Variants in SHANK2 observed in about 807,000 individuals in gnomAD.
The protein encoded by SHANK2 is SH3 and multiple ankyrin repeat domains protein 2.
In SHANK2, 43 loss-of-function variants were observed where a neutral mutation model predicts 133.7. The ratio of observed to expected loss-of-function variants is 0.32; its 90% CI spans 0.25 to 0.41. SHANK2 has a LOEUF of 0.41. Among genes scored for constraint, SHANK2 ranks in the 10% least tolerant of loss-of-function variants. The probability of loss-of-function intolerance (pLI) is 1.00; values close to 1 mark genes in which losing one functional copy is unlikely to be tolerated. For missense variants in SHANK2, 1,994 were observed against 2,235.8 expected, an observed-to-expected ratio of 0.89 and a Z score of 2.18; for synonymous variants, 1,017 against 952.8, an observed-to-expected ratio of 1.07 and a Z score of -1.24.
At chr11:71,233,257 C>T (rs1954773725) in intron 1 of SHANK2, among the ~76,000 whole-genome samples, 2 of 152,160 alleles carry the variant, frequency 1.3e-5, no homozygotes, top group African/African-American at 2.4e-5. Flanking sequence ...ATCTTGTGGT[C>T]CAGCCTTAAA....
intron 14 of SHANK2, among the ~76,000 whole-genome samples, chr11:70,791,561 C>T (rs888698996): frequency 2.0e-5 from 3 of 152,236 alleles, no homozygotes; most frequent in Admixed American, 1.3e-4. Flanking sequence ...TACGCATCAT[C>T]TCCAGGCTTC....
At chr11:70,955,175 C>T (rs1396996899) in intron 10 of SHANK2, among the ~76,000 whole-genome samples, 1 of 152,166 alleles carries the variant, frequency 6.6e-6, no homozygotes, top group Non-Finnish European at 1.5e-5. Flanking sequence ...TCCTGATTTT[C>T]TCCACCCTTT....
intron 9 of SHANK2, among the ~76,000 whole-genome samples, chr11:71,072,739 A>G (rs1951159391): frequency 6.6e-6 from 1 of 152,212 alleles, no homozygotes; most frequent in Non-Finnish European, 1.5e-5. Flanking sequence ...AAATTCCGAC[A>G]CAGCCTACAG....
At chr11:70,898,360 G>A (rs140216058) in intron 10 of SHANK2, among the ~76,000 whole-genome samples, 41 of 151,574 alleles carry the variant, frequency 2.7e-4, no homozygotes, top group African/African-American at 9.9e-4. Flanking sequence ...TAAATATGGT[G>A]TTGGTGAAAA....
Position 71,210,239 on chromosome 11 carries a change from TA to T in SHANK2, c.-13+14457del, listed in dbSNP as rs1565516715. ...ATATATATATATATATATATATATA[TA>T]TATATATATATATTTATTTATTTTT... On this transcript the variant is annotated intron_variant, in intron 2 of 25. Coordinates refer to ENST00000601538, the MANE Select transcript of SHANK2 (RefSeq NM_012309.5). Among the ~76,000 whole-genome samples, 44 of 105,824 alleles carry T rather than the reference TA, an allele frequency of 4.2e-4. 1 individual carries two copies. Among genetic ancestry groups the T allele is most frequent in the African/African-American group, 1.6e-3 (32 of 20,322 alleles). The allele number at this position is 105,824 out of a possible 152,430, so 69.4% of individuals were successfully genotyped here. A position where few individuals can be genotyped will look rare whatever the true frequency, so the allele number is the denominator to read the frequency against.
intron 15 of SHANK2, among the ~76,000 whole-genome samples, chr11:70,675,362 T>A (rs577563777): frequency 6.6e-6 from 1 of 152,330 alleles, no homozygotes; most frequent in Admixed American, 6.5e-5. Flanking sequence ...AATGACCGTA[T>A]GAGGCAGGAG....
At chr11:70,783,300 C>T (rs577827806) in intron 14 of SHANK2, among the ~76,000 whole-genome samples, 59 of 152,262 alleles carry the variant, frequency 3.9e-4, no homozygotes, top group Non-Finnish European at 7.8e-4. Context: ...AGCCTGACCA[C>T]GGTCACCCCT....
intron 14 of SHANK2, among the ~76,000 whole-genome samples, chr11:70,780,159 C>G (rs1171981387): frequency 6.6e-6 from 1 of 152,190 alleles, no homozygotes; most frequent in Non-Finnish European, 1.5e-5. Context: ...TGCCTGATGC[C>G]AGACAATTTT....
At chr11:70,891,346 CA>C (rs1490717628) in intron 11 of SHANK2, among the ~76,000 whole-genome samples, 1 of 151,828 alleles carries the variant, frequency 6.6e-6, no homozygotes, top group African/African-American at 2.4e-5. Context: ...ACTAAAGATA[CA>C]AAAAAGTAGC....
chr11:71,183,819 G>A (rs1373962016), intron 2 of SHANK2, among the ~76,000 whole-genome samples: 3 of 152,180 alleles, frequency 2.0e-5, no homozygotes, highest in African/African-American at 7.2e-5. Flanking sequence ...CGGTCTCATG[G>A]TGGGAGATGG....
At chr11:71,140,915 G>T (rs555591070) in intron 3 of SHANK2, among the ~76,000 whole-genome samples, 1 of 152,326 alleles carries the variant, frequency 6.6e-6, no homozygotes, top group South Asian at 2.1e-4. Context: ...CCAAGCAGTT[G>T]GTGGCACACC....
intron 2 of SHANK2, among the ~76,000 whole-genome samples, chr11:71,148,673 G>A (rs1952702703): frequency 6.6e-6 from 1 of 152,220 alleles, no homozygotes; most frequent in South Asian, 2.1e-4. Flanking sequence ...CACCCTGATT[G>A]TTTAGGGACC....
intron 10 of SHANK2, among the ~76,000 whole-genome samples, chr11:70,933,946 CA>C (rs1161300042): frequency 6.8e-6 from 1 of 147,496 alleles, no homozygotes; most frequent in African/African-American, 2.5e-5. Context: ...AACAAAACAA[CA>C]ACAGCTGGGC....
rs1401848595 is a variant in SHANK2, at chr11:70,882,550, T to C, written c.1174+13951A>G. 2.6e-5 allele frequency among the ~76,000 whole-genome samples: 4 copies of C among 152,154 alleles called. No individual in the cohort carries two copies. In the East Asian group the frequency reaches 5.8e-4, roughly 22 times the overall value. ...GGCTGACATGTGACCTTGTCATTAA[T>C]AGGTCACAGAACAGGAGCAGGGGCC... is the stretch of plus-strand genomic sequence containing the variant. On this transcript the variant is annotated intron_variant, in intron 11 of 25. Coordinates refer to ENST00000601538, the MANE Select transcript of SHANK2 (RefSeq NM_012309.5). This position sits in a 1 kb window ranked among gnomAD's most constrained non-coding sequence, Gnocchi z 4.2.
chr11:70,530,281 C>T (rs936253435), intron 17 of SHANK2, among the ~76,000 whole-genome samples: 4 of 152,160 alleles, frequency 2.6e-5, no homozygotes, highest in Admixed American at 6.5e-5. Flanking sequence ...CACTATGTTG[C>T]CCAGGCTGGT....
At chr11:70,776,754 C>T (rs951257268) in intron 14 of SHANK2, among the ~76,000 whole-genome samples, 1 of 151,344 alleles carries the variant, frequency 6.6e-6, no homozygotes, top group Non-Finnish European at 1.5e-5. Context: ...ACCTATTTAT[C>T]CATCTACTCA....
chr11:70,913,814 G>A (rs782159236), intron 10 of SHANK2, among the ~76,000 whole-genome samples: 9 of 152,136 alleles, frequency 5.9e-5, no homozygotes, highest in African/African-American at 9.7e-5. Flanking sequence ...ATTGCCGGAT[G>A]GCCAGGCTCT....
chr11:71,206,788 A>G (rs1954135240), intron 2 of SHANK2, among the ~76,000 whole-genome samples: 2 of 152,132 alleles, frequency 1.3e-5, no homozygotes, highest in Non-Finnish European at 1.5e-5. Flanking sequence ...TAAAAGTAAA[A>G]AAACTAGATG....
chr11:70,691,816 C>T (rs1309512851), intron 15 of SHANK2, among the ~76,000 whole-genome samples: 1 of 152,124 alleles, frequency 6.6e-6, no homozygotes, highest in Non-Finnish European at 1.5e-5. Context: ...ATCACTTGAA[C>T]CAGGGAGGCA....
Sources: allele counts gnomAD v4.1 joint callset (sites outside exome capture counted in the v4.1 genomes callset), GRCh38; gene constraint gnomAD v4.1.1; non-coding constraint Gnocchi (gnomAD v3.1); transcripts MANE v1.5; gene names NCBI Gene and HGNC (gene_info 2026-07-23, HGNC 2026-07-21).